Variants in ZC3H12B observed in about 807,000 individuals in gnomAD.
ZC3H12B encodes the protein zinc finger CCCH-type containing 12B.
A neutral mutation model predicts 43.9 loss-of-function variants in ZC3H12B; 7 were observed. The observed-to-expected ratio is 0.16, with a 90% confidence interval of 0.09 to 0.30. ZC3H12B has a LOEUF of 0.30. Ranked by LOEUF, ZC3H12B falls within the 10% of genes least tolerant of loss-of-function variation. ZC3H12B has a pLI of 1.00. For missense variants in ZC3H12B, 475 were observed against 670.2 expected (o/e 0.71, Z 3.22); for synonymous variants, 222 against 241.7 (o/e 0.92, Z 0.76).
the ZC3H12B span, among the ~76,000 whole-genome samples, chrX:65,281,768 A>G: frequency 1.8e-5 from 2 of 112,426 alleles, no homozygotes; most frequent in Admixed American, 9.4e-5. Context: ...CTGCGAAAAT[A>G]TTTGACAGAT....
the ZC3H12B span, among the ~76,000 whole-genome samples, chrX:65,227,592 T>G: frequency 1.3e-4 from 14 of 111,085 alleles, no homozygotes; most frequent in Non-Finnish European, 2.1e-4. Context: ...ATGAATCCAG[T>G]AGCTGGTTTT....
the ZC3H12B span, among the ~76,000 whole-genome samples, chrX:65,206,792 A>C: frequency 9.0e-6 from 1 of 111,458 alleles, no homozygotes. Context: ...TACAATCTAC[A>C]AGGAACTCAA....
At chrX:65,401,907 G>T (rs1040777703) in intron 3 of ZC3H12B, among the ~76,000 whole-genome samples, 1 of 111,840 alleles carries the variant, frequency 8.9e-6, no homozygotes, top group African/African-American at 3.3e-5. Context: ...AACTGAAGAG[G>T]CCTTGAACCC....
At chrX:65,076,536 C>A in the ZC3H12B span, among the ~76,000 whole-genome samples, 3 of 111,528 alleles carry the variant, frequency 2.7e-5, no homozygotes, top group Non-Finnish European at 5.6e-5. Flanking sequence ...GTTGTCCTGT[C>A]TTTTGTTATT....
At chrX:65,253,236 G>A in the ZC3H12B span, among the ~76,000 whole-genome samples, 3 of 112,229 alleles carry the variant, frequency 2.7e-5, no homozygotes, top group Non-Finnish European at 5.6e-5. Flanking sequence ...TGGGCTGAAG[G>A]AGAAGGAAGC....
At chrX:65,253,881 C>T in the ZC3H12B span, among the ~76,000 whole-genome samples, 1 of 112,162 alleles carries the variant, frequency 8.9e-6, no homozygotes, top group Non-Finnish European at 1.9e-5. Context: ...GGCCCCAGAT[C>T]ATTTTGGCAG....
chrX:65,506,144 A>G (rs2148250327), exon 5 of ZC3H12B: 1 of 112,384 alleles, frequency 8.9e-6, no homozygotes, highest in East Asian at 2.8e-4. Context: ...ATAGACAAAA[A>G]CAATTTTTCA....
At chrX:65,124,868 T>A in the ZC3H12B span, among the ~76,000 whole-genome samples, 1 of 111,423 alleles carries the variant, frequency 9.0e-6, no homozygotes, top group African/African-American at 3.3e-5. Context: ...TATTTGGATT[T>A]TCTCTCCTCT....
chrX:65,098,921 CT>C, the ZC3H12B span, among the ~76,000 whole-genome samples: 1 of 110,852 alleles, frequency 9.0e-6, no homozygotes, highest in Non-Finnish European at 1.9e-5. Context: ...AGCCAGGGAG[CT>C]ACATGGTCTC....
intron 3 of ZC3H12B, among the ~76,000 whole-genome samples, chrX:65,406,932 G>C (rs2066836289): frequency 8.9e-6 from 1 of 112,443 alleles, no homozygotes; most frequent in Admixed American, 9.3e-5. Flanking sequence ...GAGTTTGCCC[G>C]CCGGGGAGGG....
chrX:65,212,077 G>C, the ZC3H12B span, among the ~76,000 whole-genome samples: 230 of 56,838 alleles, frequency 4.0e-3, 1 homozygote, highest in Non-Finnish European at 5.1e-3. Context: ...ATAATATATA[G>C]TATATATTGT....
the ZC3H12B span, among the ~76,000 whole-genome samples, chrX:65,042,308 A>G: frequency 1.8e-5 from 2 of 112,702 alleles, no homozygotes; most frequent in East Asian, 5.6e-4. Flanking sequence ...TATGGATGAG[A>G]GGAAGAGAGA....
At chrX:65,065,895 T>C in the ZC3H12B span, among the ~76,000 whole-genome samples, 1 of 106,620 alleles carries the variant, frequency 9.4e-6, no homozygotes, top group African/African-American at 3.4e-5. Flanking sequence ...ATTAAGTTCA[T>C]CTTCAATCTC....
chrX:65,351,975 C>T, the ZC3H12B span, among the ~76,000 whole-genome samples: 1 of 111,852 alleles, frequency 8.9e-6, no homozygotes, highest in Non-Finnish European at 1.9e-5. Flanking sequence ...GGGTATATAC[C>T]CAAATGATTA....
the ZC3H12B span, among the ~76,000 whole-genome samples, chrX:65,295,072 GA>G: frequency 8.1e-5 from 9 of 111,274 alleles, no homozygotes; most frequent in Non-Finnish European, 1.3e-4. Context: ...ATCAGCACAT[GA>G]AAATTTATCC....
chrX:65,315,308 A>C, the ZC3H12B span, among the ~76,000 whole-genome samples: 68 of 112,318 alleles, frequency 6.1e-4, no homozygotes, highest in African/African-American at 2.2e-3. Context: ...GCATATGTAG[A>C]AGTAAAATAT....
the ZC3H12B span, among the ~76,000 whole-genome samples, chrX:65,124,777 G>A: frequency 9.0e-6 from 1 of 110,602 alleles, no homozygotes; most frequent in African/African-American, 3.3e-5. Context: ...GCATGTAAAG[G>A]TGTTAATAGT....
chrX:65,379,888 G>C (rs1034463875), intron 2 of ZC3H12B, among the ~76,000 whole-genome samples: 13 of 110,221 alleles, frequency 1.2e-4, no homozygotes, highest in Admixed American at 1.2e-3. Flanking sequence ...GAAATGAAGT[G>C]AGAAGGGAAA....
intron 3 of ZC3H12B, among the ~76,000 whole-genome samples, chrX:65,453,546 C>T (rs1349771269): frequency 1.9e-5 from 2 of 105,689 alleles, no homozygotes; most frequent in Non-Finnish European, 3.9e-5. Flanking sequence ...CATGGTGAAA[C>T]ACTTTCTCTA....
Sources: allele counts gnomAD v4.1 joint callset (sites outside exome capture counted in the v4.1 genomes callset), GRCh38; gene constraint gnomAD v4.1.1; transcripts MANE v1.5; gene names NCBI Gene and HGNC (gene_info 2026-07-23, HGNC 2026-07-21).